BCL2L13: variants seen among roughly 807,000 people sequenced by gnomAD.
BCL2L13 encodes the protein bcl-2-like protein 13.
A neutral mutation model predicts 25.8 loss-of-function variants in BCL2L13; 13 were observed. The observed-to-expected ratio is 0.50, with a 90% CI of 0.33 to 0.80. The LOEUF (loss-of-function observed/expected upper bound fraction) is 0.80. Ranked by LOEUF, BCL2L13 falls within the 30% of genes least tolerant of loss-of-function variation. BCL2L13 has a pLI of 0.02. For missense variants in BCL2L13, 504 were observed against 574.9 expected, an observed-to-expected ratio of 0.88 and a Z score of 1.26; for synonymous variants, 244 against 230.3, an observed-to-expected ratio of 1.06 and a Z score of -0.54.
upstream of BCL2L13, among the ~76,000 whole-genome samples, chr22:17,636,001 GC>G (rs1568907676): frequency 6.7e-6 from 1 of 150,068 alleles, no homozygotes; most frequent in African/African-American, 2.4e-5. Flanking sequence ...GAACCACCAC[GC>G]CCGGCCTACA....
intron 6 of BCL2L13, chr22:17,702,625 G>A (rs1008522492): frequency 1.8e-5 from 6 of 325,348 alleles, no homozygotes; most frequent in East Asian, 4.9e-5. Flanking sequence ...GCTCTATCCC[G>A]TACTTTTTGA....
At chr22:17,686,576 T>C (rs1038040891) in intron 3 of BCL2L13, among the ~76,000 whole-genome samples, 24 of 151,140 alleles carry the variant, frequency 1.6e-4, no homozygotes, top group Admixed American at 6.6e-4. Context: ...AGTGGTGCGA[T>C]CTCAGTTCAC....
chr22:17,652,433 A>G (rs908050309), intron 1 of BCL2L13, among the ~76,000 whole-genome samples: 1 of 152,100 alleles, frequency 6.6e-6, no homozygotes, highest in Non-Finnish European at 1.5e-5. Flanking sequence ...AGTGTTGACT[A>G]TCTTATCAAA....
intron 2 of BCL2L13, among the ~76,000 whole-genome samples, chr22:17,678,757 A>C (rs1167109883): frequency 6.6e-6 from 1 of 152,202 alleles, no homozygotes; most frequent in Non-Finnish European, 1.5e-5. Flanking sequence ...TGCTGGACAA[A>C]TCTTACTCAT....
intron 6 of BCL2L13, among the ~76,000 whole-genome samples, chr22:17,719,693 G>A (rs1465409926): frequency 1.3e-5 from 2 of 152,010 alleles, no homozygotes; most frequent in African/African-American, 2.4e-5. Flanking sequence ...GCTGGGCGTG[G>A]TGGTGGGCGC....
intron 6 of BCL2L13, among the ~76,000 whole-genome samples, chr22:17,716,745 T>C (rs937920568): frequency 6.6e-6 from 1 of 152,192 alleles, no homozygotes; most frequent in African/African-American, 2.4e-5. Flanking sequence ...AATGTAGAAC[T>C]ACTTTATTTT....
intron 1 of BCL2L13, among the ~76,000 whole-genome samples, chr22:17,630,225 C>A (rs7290118): frequency 0.2 from 16,329 of 80,940 alleles, 1,358 homozygotes; most frequent in African/African-American, 0.34. Flanking sequence ...CTCAAAAAAA[C>A]AAAAAAAAAA....
chr22:17,730,675 A>G lies in BCL2L13; in HGVS notation c.*3141A>G, dbSNP rs930526105. 1 of 152,212 alleles carries G rather than the reference A, an allele frequency of 6.6e-6. No homozygotes were observed. Among genetic ancestry groups the G allele is most frequent in the Non-Finnish European group, 1.5e-5 (1 of 68,044 alleles). 9.4% of individuals were successfully genotyped at this position (152,212 alleles called of 1,614,324 possible). ...CTTTCCACACAAACTTATCTTTCCA[A>G]GAATTTGAGGTGGTGATCATACCCA... On this transcript the variant is annotated 3_prime_UTR_variant, in exon 7 of 7. Coordinates refer to ENST00000317582, the MANE Select transcript of BCL2L13 (RefSeq NM_015367.4).
chr22:17,639,684 G>A (rs60334140), intron 1 of BCL2L13, among the ~76,000 whole-genome samples: 1 of 152,168 alleles, frequency 6.6e-6, no homozygotes, highest in Non-Finnish European at 1.5e-5. Flanking sequence ...TAAGCTGAGA[G>A]CCCTCCCTCC....
chr22:17,688,915 G>C (rs2060023887), intron 3 of BCL2L13, 71 bp from the exon 4 acceptor site: 2 of 1,476,386 alleles, frequency 1.4e-6, no homozygotes, highest in African/African-American at 2.8e-5. Context: ...TTACAGGCAT[G>C]TGCCACCACA....
intron 4 of BCL2L13, among the ~76,000 whole-genome samples, chr22:17,689,894 T>C (rs2145628216): frequency 6.6e-6 from 1 of 151,574 alleles, no homozygotes; most frequent in Middle Eastern, 3.5e-3. Context: ...TCCCAGAAGT[T>C]GCTCAACTTT....
At chr22:17,693,883 G>A (rs1433345352) in intron 4 of BCL2L13, among the ~76,000 whole-genome samples, 2 of 151,890 alleles carry the variant, frequency 1.3e-5, no homozygotes, top group African/African-American at 4.8e-5. Flanking sequence ...GATTAGAGGC[G>A]AGTGCCACCA....
Position 17,660,022 on chromosome 22 carries a change from A to G in BCL2L13, c.121+4190A>G, listed in dbSNP as rs746168531. Among the ~76,000 whole-genome samples, 3 of 145,782 alleles carry G rather than the reference A, an allele frequency of 2.1e-5. 1 individual carries two copies. Among genetic ancestry groups the G allele is most frequent in the Non-Finnish European group, 4.7e-5 (3 of 64,124 alleles). ...AGGCACGCGCCACTGCGCCGAGCTC[A>G]TTTTTATACTTTTAGTGGAGATGGG... On this transcript the variant is annotated intron_variant, in intron 2 of 6. Coordinates refer to ENST00000317582, the MANE Select transcript of BCL2L13 (RefSeq NM_015367.4).
intron 2 of BCL2L13, among the ~76,000 whole-genome samples, chr22:17,660,711 C>T (rs1461823731): frequency 6.8e-6 from 1 of 146,030 alleles, no homozygotes; most frequent in Non-Finnish European, 1.6e-5. Flanking sequence ...AGGTGTGAGC[C>T]ACCACACCCA....
chr22:17,669,628 A>G (rs1360661569), intron 2 of BCL2L13, among the ~76,000 whole-genome samples: 3 of 152,204 alleles, frequency 2.0e-5, no homozygotes, highest in Admixed American at 6.5e-5. Context: ...CACTTCCAGC[A>G]TTTGGGATCA....
At chr22:17,658,561 G>A (rs994570589) in intron 2 of BCL2L13, among the ~76,000 whole-genome samples, 1 of 151,720 alleles carries the variant, frequency 6.6e-6, no homozygotes, top group Non-Finnish European at 1.5e-5. Flanking sequence ...GGGCATGGTG[G>A]CACACGCCTG....
intron 2 of BCL2L13, among the ~76,000 whole-genome samples, chr22:17,667,165 T>A (rs1262635198): frequency 6.6e-6 from 1 of 152,152 alleles, no homozygotes; most frequent in African/African-American, 2.4e-5. Flanking sequence ...GTGGGATTGC[T>A]GGATCATATG....
chr22:17,660,986 C>A (rs2059047452), intron 2 of BCL2L13, among the ~76,000 whole-genome samples: 1 of 144,508 alleles, frequency 6.9e-6, no homozygotes, highest in South Asian at 2.1e-4. Context: ...ACCATGTTGC[C>A]CAGGCTGGTC....
chr22:17,726,895 T>C lies in BCL2L13; in HGVS notation c.819T>C (p.Pro273=). The C allele has an allele frequency of 6.2e-7, 1 of 1,614,214 alleles. No individual in the cohort carries two copies. Among genetic ancestry groups the C allele is most frequent in the Non-Finnish European group, 8.5e-7 (1 of 1,180,036 alleles). The part of the protein sequence containing the change: ...HTESLPVSLG[P]ESWQQIAMDP... ...AAAGCCTGCCAGTGTCACTAGGCCCTGAGTCCTGGCAGCAGATTGCAATGG... is the reference window on the plus strand; with the variant it reads ...AAAGCCTGCCAGTGTCACTAGGCCCCGAGTCCTGGCAGCAGATTGCAATGG... Residue 273 remains proline (P), a synonymous_variant, in exon 7 of 7, where the codon CCT becomes CCC. Transcript: ENST00000317582.
Sources: gnomAD v4.1 joint callset for allele counts (sites outside exome capture counted in the v4.1 genomes callset) on GRCh38, gnomAD v4.1.1 for gene constraint, MANE v1.5 for transcripts, NCBI Gene and HGNC (gene_info 2026-07-23, HGNC 2026-07-21) for gene names.